Variants in DOCK10 observed in about 807,000 individuals in gnomAD.
DOCK10 encodes the protein dedicator of cytokinesis 10, also known as dedicator of cytokinesis protein 10.
In DOCK10, 145 loss-of-function variants were observed where a neutral mutation model predicts 280.1. That is an observed-to-expected ratio of 0.52 (90% CI 0.45 to 0.59). DOCK10 has a LOEUF of 0.59. DOCK10 is among the 20% of genes least tolerant of loss of function. The pLI is 0.00. For missense variants in DOCK10, 2,368 were observed against 2,651.7 expected (o/e 0.89, Z 2.35); for synonymous variants, 915 against 942.2 (o/e 0.97, Z 0.53).
chr2:224,824,355 C>G (rs1694702547), intron 27 of DOCK10, among the ~76,000 whole-genome samples: 1 of 151,832 alleles, frequency 6.6e-6, no homozygotes, highest in Non-Finnish European at 1.5e-5. Context: ...GTCCAGATAT[C>G]CATCCCTCCT....
rs1698619445 is a variant in DOCK10, at chr2:224,876,230, T to C, written c.748-9A>G. The C allele has an allele frequency of 1.9e-6, 3 of 1,585,862 alleles. No individual in the cohort carries two copies. The East Asian group carries it at 6.7e-5, about 36-fold the overall frequency. ...TTTCTTAGTCTGTTATTCTGTGGTA[T>C]AAAAAGAAAGAAAGAAAAAGAGAAT... On this transcript the variant is annotated splice_polypyrimidine_tract_variant and intron_variant, in intron 7 of 55. Transcript: ENST00000258390.
Position 224,853,130 on chromosome 2 carries a change from A to T in DOCK10, c.1889-8T>A. 1 of 1,552,770 alleles carries T rather than the reference A, an allele frequency of 6.4e-7. No homozygotes were observed. Among genetic ancestry groups the T allele is most frequent in the African/African-American group, 1.4e-5 (1 of 72,686 alleles). ...AGGACGATGTTACACAATCTTAAAA[A>T]ATCAGAAAATAAGAGTTTGTCATTT... is the stretch of plus-strand genomic sequence containing the variant. On this transcript the variant is annotated splice_polypyrimidine_tract_variant and splice_region_variant and intron_variant, in intron 16 of 55. Coordinates refer to ENST00000258390, the MANE Select transcript of DOCK10 (RefSeq NM_014689.3).
chr2:224,921,112 A>AAAAAAAATATATATATATATATATAT, intron 2 of DOCK10, among the ~76,000 whole-genome samples: 1 of 54,414 alleles, frequency 1.8e-5, no homozygotes, highest in Non-Finnish European at 3.0e-5. Flanking sequence ...AAAAAAAAAA[A>AAAAAAAATATATATATATATATATAT]ATATATATAT....
chr2:224,858,849 C>T (rs996042191), intron 14 of DOCK10, among the ~76,000 whole-genome samples: 3 of 152,046 alleles, frequency 2.0e-5, no homozygotes, highest in South Asian at 4.1e-4. Context: ...CCCAGCCATT[C>T]GAAAACCCTT....
intron 1 of DOCK10, among the ~76,000 whole-genome samples, chr2:225,023,464 C>G (rs186807198): frequency 6.6e-6 from 1 of 152,264 alleles, no homozygotes; most frequent in East Asian, 1.9e-4. Context: ...AAACGATGCT[C>G]TACTTTCTTT....
rs147353740 is a variant in DOCK10 at position 224,989,670 on chromosome 2, C to T, written c.123+52582G>A. 1.7e-3 allele frequency among the ~76,000 whole-genome samples: 259 copies of T among 152,238 alleles called. 1 individual carries two copies. Among genetic ancestry groups the T allele is most frequent in the African/African-American group, 3.9e-3 (160 of 41,534 alleles). ...TCTGTTTCCAGATGGGTAAGCCCCC[C>T]GCCAGGTCTGAACTCAATTAAATGG... On this transcript the variant is annotated intron_variant, in intron 1 of 55. Transcript: ENST00000258390.
At chr2:224,967,247 T>C (rs1454616156) in intron 1 of DOCK10, among the ~76,000 whole-genome samples, 1 of 152,046 alleles carries the variant, frequency 6.6e-6, no homozygotes, top group Non-Finnish European at 1.5e-5. Context: ...GTCCGGCTAA[T>C]TTTTCTGTAT....
At chr2:224,816,737 A>C (rs763122409) in intron 29 of DOCK10, 24 bp from the exon 30 acceptor site, 2 of 1,281,018 alleles carry the variant, frequency 1.6e-6, no homozygotes, top group South Asian at 2.5e-5. Flanking sequence ...AAACTAAATG[A>C]CTATGACTTA....
intron 1 of DOCK10, among the ~76,000 whole-genome samples, chr2:224,998,145 T>C (rs1706323970): frequency 6.6e-6 from 1 of 152,200 alleles, no homozygotes; most frequent in Admixed American, 6.5e-5. Context: ...ACTTTCAATC[T>C]CATGGTGCCC....
chr2:224,937,547 C>CT (rs1315138182), intron 1 of DOCK10, among the ~76,000 whole-genome samples: 6 of 151,990 alleles, frequency 3.9e-5, no homozygotes, highest in Non-Finnish European at 1.5e-5. Flanking sequence ...ATTAATGATT[C>CT]TACTGGAGGC....
At chr2:225,028,613 A>G (rs1017268378) in intron 1 of DOCK10, among the ~76,000 whole-genome samples, 2 of 152,226 alleles carry the variant, frequency 1.3e-5, no homozygotes, top group Non-Finnish European at 2.9e-5. Flanking sequence ...GATCCTTTGT[A>G]TCTCTGCAAA....
chr2:224,864,353 A>T (rs1417451057), intron 13 of DOCK10, among the ~76,000 whole-genome samples, 200 bp downstream of exon 13: 1 of 152,142 alleles, frequency 6.6e-6, no homozygotes, highest in African/African-American at 2.4e-5. Context: ...ACTATAAAAT[A>T]CAAAAAATTA....
At chr2:224,985,771 C>G (rs999683446) in intron 1 of DOCK10, among the ~76,000 whole-genome samples, 3 of 152,160 alleles carry the variant, frequency 2.0e-5, no homozygotes, top group African/African-American at 7.2e-5. Flanking sequence ...CAAATCTTGA[C>G]TAATGAATTT....
chr2:225,029,667 A>G (rs1329630536), intron 1 of DOCK10, among the ~76,000 whole-genome samples: 1 of 152,210 alleles, frequency 6.6e-6, no homozygotes, highest in Non-Finnish European at 1.5e-5. Flanking sequence ...TAAAAATGTA[A>G]ATATTCAACA....
chr2:225,016,800 T>G (rs936410546), intron 1 of DOCK10, among the ~76,000 whole-genome samples: 1 of 151,716 alleles, frequency 6.6e-6, no homozygotes, highest in East Asian at 2.0e-4. Flanking sequence ...CCTCCCGTGT[T>G]CAAGCGATTC....
At chr2:224,907,208 T>C (rs1006670079) in intron 3 of DOCK10, among the ~76,000 whole-genome samples, 1 of 152,226 alleles carries the variant, frequency 6.6e-6, no homozygotes, top group African/African-American at 2.4e-5. Context: ...AAAAGAGTAT[T>C]ACACTGACAT....
intron 23 of DOCK10, among the ~76,000 whole-genome samples, chr2:224,840,686 T>C (rs1028044944): frequency 6.6e-6 from 1 of 152,164 alleles, no homozygotes; most frequent in African/African-American, 2.4e-5. Context: ...GAAGAGCCAC[T>C]ATGGAAAACA....
intron 41 of DOCK10, among the ~76,000 whole-genome samples, chr2:224,799,372 G>A (rs1692815673): frequency 6.6e-6 from 1 of 152,206 alleles, no homozygotes; most frequent in Non-Finnish European, 1.5e-5. Flanking sequence ...GTAGTCTATT[G>A]TATGGATATA....
rs1358726395 is a variant in DOCK10, at chr2:224,924,598, C to A, written c.243+6951G>T. Reference sequence around the variant, plus strand: ...ATATACCACATTCTGTTTACCCATTCATCAGTTGATAGATTATTTGGGTTA... The same window carrying A: ...ATATACCACATTCTGTTTACCCATTAATCAGTTGATAGATTATTTGGGTTA... On this transcript the variant is annotated intron_variant, in intron 2 of 55. Transcript: ENST00000258390. 2.6e-5 allele frequency among the ~76,000 whole-genome samples: 4 copies of A among 152,164 alleles called. 1 individual carries two copies. The highest frequency in any genetic ancestry group is 2.6e-4 in the Admixed American group (4 of 15,270).
Sources: allele counts gnomAD v4.1 joint callset (sites outside exome capture counted in the v4.1 genomes callset), GRCh38; gene constraint gnomAD v4.1.1; transcripts MANE v1.5; gene names NCBI Gene and HGNC (gene_info 2026-07-23, HGNC 2026-07-21).